The following WDFY2 variants were observed in gnomAD, a reference collection of about 807,000 sequenced individuals.
WDFY2 encodes WD repeat and FYVE domain containing 2, also known as WD repeat and FYVE domain-containing protein 2.
A neutral mutation model predicts 56.4 loss-of-function variants in WDFY2; 36 were observed. The observed-to-expected ratio is 0.64, with a 90% CI of 0.49 to 0.84. WDFY2 has a LOEUF of 0.84. WDFY2 is among the 40% of genes least tolerant of loss of function. WDFY2 has a pLI of 0.00. For missense variants in WDFY2, 444 were observed against 512.2 expected (o/e 0.87, Z 1.29); for synonymous variants, 176 against 183.7 (o/e 0.96, Z 0.34).
intron 5 of WDFY2, among the ~76,000 whole-genome samples, chr13:51,723,093 A>G (rs550027048): frequency 8.5e-5 from 13 of 152,238 alleles, no homozygotes; most frequent in South Asian, 2.1e-4. Context: ...GATTATGTCA[A>G]TTTCTTCCTA....
intron 6 of WDFY2, among the ~76,000 whole-genome samples, chr13:51,736,704 G>A (rs1952845322): frequency 6.6e-6 from 1 of 152,194 alleles, no homozygotes; most frequent in Non-Finnish European, 1.5e-5. Flanking sequence ...TATTGGCCAG[G>A]CTGGTCTCAA....
At chr13:51,756,564 G>T in intron 10 of WDFY2, 102 bp downstream of exon 10, 1 of 1,469,258 alleles carries the variant, frequency 6.8e-7, no homozygotes, top group Non-Finnish European at 9.0e-7. Flanking sequence ...TCTAGTTTCT[G>T]CTGGTTTAGA....
chr13:51,626,211 A>G (rs889026347), intron 1 of WDFY2, among the ~76,000 whole-genome samples: 1 of 152,194 alleles, frequency 6.6e-6, no homozygotes, highest in African/African-American at 2.4e-5. Flanking sequence ...ATCTCTTTCC[A>G]TTTTCTATAA....
At chr13:51,677,715 T>C (rs542137355) in intron 3 of WDFY2, among the ~76,000 whole-genome samples, 1 of 152,010 alleles carries the variant, frequency 6.6e-6, no homozygotes, top group Admixed American at 6.6e-5. Context: ...AAATAAGACG[T>C]AGAGACCATT....
intron 1 of WDFY2, chr13:51,586,090 A>G (rs1424633978): frequency 2.5e-6 from 1 of 398,602 alleles, no homozygotes; most frequent in Non-Finnish European, 4.4e-6. Context: ...GAAGAAATTC[A>G]TGGCTGAAAT....
In WDFY2 at chr13:51,731,599, G is replaced by A. The variant is rs182711836; in HGVS notation, c.598+3809G>A. Reference sequence around the variant, plus strand: ...TGTGGCTACAACACAACTCATTCCTGTAAAGCTAGAGTGAGGACCTTTAAG... The same window carrying A: ...TGTGGCTACAACACAACTCATTCCTATAAAGCTAGAGTGAGGACCTTTAAG... On this transcript the variant is annotated intron_variant, in intron 6 of 11. Coordinates refer to ENST00000298125, the MANE Select transcript of WDFY2 (RefSeq NM_052950.4). Among the ~76,000 whole-genome samples the A allele has an allele frequency of 9.2e-5, 14 of 152,312 alleles. No individual in the cohort carries two copies. In the East Asian group the frequency reaches 2.7e-3, roughly 29 times the overall value.
chr13:51,625,976 C>T (rs763920927), intron 1 of WDFY2, among the ~76,000 whole-genome samples: 1 of 152,198 alleles, frequency 6.6e-6, no homozygotes, highest in Non-Finnish European at 1.5e-5. Context: ...TTCATGCACC[C>T]TCTGGTCATA....
At chr13:51,673,100 C>T (rs559978298) in intron 2 of WDFY2, among the ~76,000 whole-genome samples, 1 of 152,228 alleles carries the variant, frequency 6.6e-6, no homozygotes, top group South Asian at 2.1e-4. Context: ...CATTGTAGGA[C>T]ATGCCTTGAA....
intron 1 of WDFY2, among the ~76,000 whole-genome samples, chr13:51,609,999 T>G (rs760200574): frequency 2.5e-4 from 38 of 152,270 alleles, no homozygotes; most frequent in Non-Finnish European, 5.1e-4. Flanking sequence ...ATGATTCTTG[T>G]CTTTCTTTTT....
intron 3 of WDFY2, among the ~76,000 whole-genome samples, chr13:51,694,909 C>G (rs1483557182): frequency 2.0e-5 from 3 of 152,078 alleles, no homozygotes; most frequent in Non-Finnish European, 4.4e-5. Flanking sequence ...CTAAACTTCC[C>G]TTCTCACTTC....
At chr13:51,615,718 C>T (rs1019087179) in intron 1 of WDFY2, among the ~76,000 whole-genome samples, 5 of 152,110 alleles carry the variant, frequency 3.3e-5, no homozygotes, top group East Asian at 1.9e-4. Flanking sequence ...TGTTAAGTAA[C>T]GACTTTGCAA....
At chr13:51,684,976 G>A (rs978963939) in intron 3 of WDFY2, among the ~76,000 whole-genome samples, 8 of 152,076 alleles carry the variant, frequency 5.3e-5, no homozygotes, top group African/African-American at 1.9e-4. Context: ...GAAGCTCCAA[G>A]CCCTTCATTC....
intron 4 of WDFY2, 47 bp from the exon 5 acceptor site, chr13:51,719,151 C>T (rs1185860315): frequency 6.2e-7 from 1 of 1,613,032 alleles, no homozygotes. Flanking sequence ...TTCTTCCAAC[C>T]TCCTTAGGAT....
intron 1 of WDFY2, among the ~76,000 whole-genome samples, chr13:51,660,205 GT>G (rs758778162): frequency 6.6e-6 from 1 of 150,520 alleles, no homozygotes; most frequent in East Asian, 2.0e-4. Context: ...TCTCTCTTAT[GT>G]TTTTTTTTAA....
At chr13:51,745,357 C>T (rs1288525671) in intron 7 of WDFY2, among the ~76,000 whole-genome samples, 3 of 152,214 alleles carry the variant, frequency 2.0e-5, no homozygotes, top group African/African-American at 7.2e-5. Context: ...GTGGTTACTG[C>T]AGTCCAAAGG....
chr13:51,759,182 A>G (rs1448866511), intron 11 of WDFY2, among the ~76,000 whole-genome samples: 2 of 152,204 alleles, frequency 1.3e-5, no homozygotes, highest in Non-Finnish European at 2.9e-5. Context: ...CCCTGTCTCA[A>G]AATAATTAAT....
At chr13:51,681,748 T>TA (rs1432595008) in intron 3 of WDFY2, among the ~76,000 whole-genome samples, 1 of 152,094 alleles carries the variant, frequency 6.6e-6, no homozygotes, top group Non-Finnish European at 1.5e-5. Flanking sequence ...AGCAGGAAAA[T>TA]AGTCTTAGAG....
chr13:51,726,229 C>T (rs986558663), intron 5 of WDFY2, among the ~76,000 whole-genome samples: 5 of 150,260 alleles, frequency 3.3e-5, no homozygotes, highest in African/African-American at 1.2e-4. Flanking sequence ...CGTTGGCTGC[C>T]CCCTCCACAC....
At chr13:51,738,243 T>A (rs536926515) in intron 6 of WDFY2, among the ~76,000 whole-genome samples, 2 of 152,172 alleles carry the variant, frequency 1.3e-5, no homozygotes, top group South Asian at 4.1e-4. Flanking sequence ...GTGGAAAAAA[T>A]TCTTATTGTT....
Sources: allele counts gnomAD v4.1 joint callset (sites outside exome capture counted in the v4.1 genomes callset), GRCh38; gene constraint gnomAD v4.1.1; transcripts MANE v1.5; gene names NCBI Gene and HGNC (gene_info 2026-07-23, HGNC 2026-07-21).